The following SHQ1 variants were observed in gnomAD, a reference collection of about 807,000 sequenced individuals.
SHQ1 encodes the protein protein SHQ1 homolog.
SHQ1 carries 49 observed loss-of-function variants against 53.8 expected under a neutral mutation model. The ratio of observed to expected loss-of-function variants is 0.91; its 90% CI spans 0.72 to 1.16. The LOEUF (loss-of-function observed/expected upper bound fraction) is 1.16, where lower values mean the gene tolerates loss of function less well. Ranked by LOEUF, SHQ1 falls within the 50% of genes most tolerant of loss-of-function variation. SHQ1 has a pLI of 0.00. For synonymous variants in SHQ1, 243 were observed against 251.0 expected, an observed-to-expected ratio of 0.97 and a Z score of 0.30; for missense variants, 738 against 683.1, an observed-to-expected ratio of 1.08 and a Z score of -0.90.
intron 10 of SHQ1, among the ~76,000 whole-genome samples, chr3:72,775,825 CAAT>C (rs1457075381): frequency 6.6e-6 from 1 of 151,892 alleles, no homozygotes; most frequent in Non-Finnish European, 1.5e-5. Context: ...GGAAAAAATG[CAAT>C]AAAATTCAAA....
At chr3:72,758,723 C>T (rs1429512416) in intron 10 of SHQ1, among the ~76,000 whole-genome samples, 2 of 152,060 alleles carry the variant, frequency 1.3e-5, no homozygotes, top group Non-Finnish European at 2.9e-5. Context: ...GCACTCACCA[C>T]CACGCCCGGC....
In SHQ1 at chr3:72,848,227, G is replaced by A. The variant is rs768322266; in HGVS notation, c.114C>T (p.Phe38=). The part of the protein sequence containing the change: ...EFDVYFEGSD[F]KFYAKPYFLR... ...GAAAGTATGGCTTGGCGTAGAACTT[G>A]AAGTCAGACCCCTCGAAGTAGACGT... The change falls in exon 1 of 11, where the codon TTC becomes TTT. Residue 38 remains phenylalanine, a synonymous_variant. Coordinates refer to ENST00000325599, the MANE Select transcript of SHQ1 (RefSeq NM_018130.3). 3.7e-6 allele frequency: 6 copies of A among 1,614,084 alleles called. No individual in the cohort carries two copies. Among genetic ancestry groups the A allele is most frequent in the Non-Finnish European group, 5.1e-6 (6 of 1,180,046 alleles).
chr3:72,832,035 C>T (rs754144339), intron 5 of SHQ1, among the ~76,000 whole-genome samples: 15 of 152,154 alleles, frequency 9.9e-5, no homozygotes, highest in Non-Finnish European at 1.9e-4. Flanking sequence ...TTTATGCATA[C>T]CATTAATCAC....
chr3:72,836,435 G>A (rs1354271270), intron 4 of SHQ1, among the ~76,000 whole-genome samples: 2 of 151,968 alleles, frequency 1.3e-5, no homozygotes, highest in Non-Finnish European at 2.9e-5. Context: ...CTTGCAGTGA[G>A]CTGAGATCAC....
chr3:72,742,892 T>G, the SHQ1 span, among the ~76,000 whole-genome samples: 2 of 152,218 alleles, frequency 1.3e-5, no homozygotes, highest in South Asian at 2.1e-4. Flanking sequence ...TGCCTCGGCC[T>G]CCCAAAGTGC....
intron 10 of SHQ1, chr3:72,753,179 A>C: frequency 1.0e-6 from 1 of 985,442 alleles, no homozygotes; most frequent in Non-Finnish European, 1.2e-6. Flanking sequence ...GAAAGTGGTA[A>C]ACATGCTGAC....
intron 10 of SHQ1, among the ~76,000 whole-genome samples, chr3:72,759,260 C>A (rs1466240960): frequency 6.6e-6 from 1 of 152,180 alleles, no homozygotes; most frequent in Non-Finnish European, 1.5e-5. Flanking sequence ...CAGGGCATCA[C>A]TATAACACAG....
intron 1 of SHQ1, among the ~76,000 whole-genome samples, chr3:72,847,328 C>T (rs1172610031): frequency 6.6e-6 from 1 of 152,116 alleles, no homozygotes; most frequent in East Asian, 1.9e-4. Flanking sequence ...GATGCAGCTA[C>T]ACTTCAGAAA....
chr3:72,812,665 T>A lies in SHQ1; in HGVS notation c.1060+6A>T. ...TCCCAAATTTGCAAGTACAGTAATA[T>A]CTTACCCAGTTGCAATATCTTTATA... On this transcript the variant is annotated splice_donor_region_variant and intron_variant, in intron 9 of 10. Transcript: ENST00000325599. 1 of 1,613,796 alleles carries A rather than the reference T, an allele frequency of 6.2e-7. No individual in the cohort carries two copies. Among genetic ancestry groups the A allele is most frequent in the Non-Finnish European group, 8.5e-7 (1 of 1,179,874 alleles).
intron 10 of SHQ1, among the ~76,000 whole-genome samples, chr3:72,780,579 C>A (rs1419325362): frequency 6.6e-6 from 1 of 152,060 alleles, no homozygotes; most frequent in Non-Finnish European, 1.5e-5. Context: ...TTATTCTTTG[C>A]CAAAAGAATG....
intron 10 of SHQ1, among the ~76,000 whole-genome samples, chr3:72,787,976 G>A (rs530811032): frequency 6.6e-6 from 1 of 152,188 alleles, no homozygotes; most frequent in South Asian, 2.1e-4. Context: ...TCAGCCTCCC[G>A]AGGTGCCGGG....
chr3:72,784,275 A>C (rs2106766289), intron 10 of SHQ1, among the ~76,000 whole-genome samples: 1 of 152,248 alleles, frequency 6.6e-6, no homozygotes. Flanking sequence ...TCATATCTTT[A>C]TAAAAGGTTA....
chr3:72,845,269 A>C (rs1708295486), intron 1 of SHQ1, among the ~76,000 whole-genome samples: 1 of 152,150 alleles, frequency 6.6e-6, no homozygotes, highest in Non-Finnish European at 1.5e-5. Flanking sequence ...CGATCACCTT[A>C]GGTCAGGAGT....
intron 9 of SHQ1, among the ~76,000 whole-genome samples, chr3:72,798,843 T>G (rs934227512): frequency 1.3e-5 from 2 of 152,212 alleles, no homozygotes; most frequent in African/African-American, 4.8e-5. Context: ...AGTTGCTAAT[T>G]CTATACAATA....
intron 10 of SHQ1, among the ~76,000 whole-genome samples, chr3:72,779,220 C>T (rs559131834): frequency 6.6e-6 from 1 of 152,260 alleles, no homozygotes; most frequent in East Asian, 1.9e-4. Context: ...TAGGTTACAG[C>T]CACCTTGACC....
chr3:72,751,508 G>GTGTGTATATATATATATATATATA (rs1210782182), intron 10 of SHQ1, among the ~76,000 whole-genome samples: 1 of 116,984 alleles, frequency 8.5e-6, no homozygotes, highest in African/African-American at 4.4e-5. Context: ...GTGTGTGTGT[G>GTGTGTATATATATATATATATATA]TATATATATA....
chr3:72,844,267 T>C, intron 2 of SHQ1, 92 bp downstream of exon 2: 1 of 1,057,510 alleles, frequency 9.5e-7, no homozygotes, highest in African/African-American at 1.6e-5. Context: ...TTGAAAGACA[T>C]CAAAAGGTCC....
chr3:72,838,856 T>G (rs916609817), intron 4 of SHQ1, among the ~76,000 whole-genome samples: 3 of 152,066 alleles, frequency 2.0e-5, no homozygotes, highest in Admixed American at 6.5e-5. Context: ...AGGAGTCAAC[T>G]ATATTGGTTA....
rs1706141569 is a variant in SHQ1, at chr3:72,783,712, A to T, written c.1181+9204T>A. Among the ~76,000 whole-genome samples, 3 of 152,212 alleles carry T rather than the reference A, an allele frequency of 2.0e-5. No homozygotes were observed. The South Asian group carries it at 6.2e-4, about 31-fold the overall frequency. ...ATGAATTATGTTTCTATTTCTAAAA[A>T]TTCTCAAATACGTCAAACCCATTTT... On this transcript the variant is annotated intron_variant, in intron 10 of 10. Coordinates refer to ENST00000325599, the MANE Select transcript of SHQ1 (RefSeq NM_018130.3).
Sources: gnomAD v4.1 joint callset for allele counts (sites outside exome capture counted in the v4.1 genomes callset) on GRCh38, gnomAD v4.1.1 for gene constraint, MANE v1.5 for transcripts, NCBI Gene and HGNC (gene_info 2026-07-23, HGNC 2026-07-21) for gene names.